The following CGN variants were observed in gnomAD, a reference collection of about 807,000 sequenced individuals.
CGN encodes the protein cingulin.
A neutral mutation model predicts 157.1 loss-of-function variants in CGN; 121 were observed. That is an observed-to-expected ratio of 0.77 (90% confidence interval 0.66 to 0.90). The LOEUF (loss-of-function observed/expected upper bound fraction) is 0.90. CGN is among the 40% of genes least tolerant of loss of function. CGN has a pLI of 0.00. For synonymous variants in CGN, 535 were observed against 607.5 expected (o/e 0.88, Z 1.76); for missense variants, 1,424 against 1,520.9 (o/e 0.94, Z 1.06).
rs1571656879 is a variant in CGN, at chr1:151,519,157, A to G, written c.638A>G (p.Lys213Arg). Residue 213 changes from lysine to arginine, a missense_variant, in exon 2 of 21, where the codon AAG (lysine) becomes AGG (arginine). Around this residue, in one of 3 missense-constraint regions of CGN, gnomAD observed 1,187 missense variants for 1,217.6 expected, o/e 0.97. Coordinates refer to ENST00000271636, the MANE Select transcript of CGN (RefSeq NM_020770.3). Reference protein sequence around the residue: ...MLPPEQRKRSKSLDSRLPRDT... With the variant: ...MLPPEQRKRSRSLDSRLPRDT... ...CCCCCTGAACAGCGCAAACGGAGCAAGAGCCTGGACAGCCGCCTCCCACGG... is the reference window on the plus strand; with the variant it reads ...CCCCCTGAACAGCGCAAACGGAGCAGGAGCCTGGACAGCCGCCTCCCACGG... The G allele has an allele frequency of 6.2e-7, 1 of 1,614,064 alleles. No homozygotes were observed. The highest frequency in any genetic ancestry group is 8.5e-7 in the Non-Finnish European group (1 of 1,180,024).
chr1:151,521,936 C>G (rs930781397), intron 5 of CGN, among the ~76,000 whole-genome samples: 4 of 152,222 alleles, frequency 2.6e-5, no homozygotes, highest in Admixed American at 1.3e-4. Context: ...TCCAGTCCAG[C>G]TTCTGGCTGT....
chr1:151,518,906 T>A lies in CGN; in HGVS notation c.387T>A (p.Asn129Lys). Residue 129 changes from asparagine (N) to lysine (K), a missense_variant, in exon 2 of 21, where the codon AAT becomes AAA. Coordinates refer to ENST00000271636, the MANE Select transcript of CGN (RefSeq NM_020770.3). ...TSDEEPGAYW[N>K]GKLLRSHSQA... Reference sequence around the variant, plus strand: ...ATGAGGAGCCTGGGGCCTACTGGAATGGAAAGCTACTCCGTTCCCACTCCC... The same window carrying A: ...ATGAGGAGCCTGGGGCCTACTGGAAAGGAAAGCTACTCCGTTCCCACTCCC... 1.2e-6 allele frequency: 2 copies of A among 1,614,094 alleles called. No homozygotes were observed. Among genetic ancestry groups the A allele is most frequent in the Non-Finnish European group, 1.7e-6 (2 of 1,179,986 alleles).
chr1:151,519,404 C>G lies in CGN; in HGVS notation c.873+12C>G. 1 of 1,562,630 alleles carries G rather than the reference C, an allele frequency of 6.4e-7. No homozygotes were observed. The highest frequency in any genetic ancestry group is 2.3e-5 in the East Asian group (1 of 43,224). ...CCACCATGCTGCAGGTCAGACCCAG[C>G]CCCTCCCTGACTTCTAAATGTCAGC... On this transcript the variant is annotated intron_variant, in intron 2 of 20. Transcript: ENST00000271636.
intron 14 of CGN, among the ~76,000 whole-genome samples, chr1:151,533,574 C>T (rs1664885767): frequency 6.6e-6 from 1 of 151,912 alleles, no homozygotes; most frequent in South Asian, 2.1e-4. Flanking sequence ...GCGGGCAGAT[C>T]ACGAGGTCAG....
intron 6 of CGN, among the ~76,000 whole-genome samples, chr1:151,523,877 C>T (rs1476186614): frequency 6.6e-6 from 1 of 152,184 alleles, no homozygotes; most frequent in Non-Finnish European, 1.5e-5. Flanking sequence ...GCAGATGTTT[C>T]ATCAAGAATG....
chr1:151,534,818 A>AG (rs1664919769), intron 15 of CGN: 2 of 508,536 alleles, frequency 3.9e-6, no homozygotes, highest in East Asian at 6.6e-5. Flanking sequence ...TTTCTGTCAA[A>AG]GGGCCGTCAC....
At chr1:151,511,203 T>C (rs11204836), upstream of CGN, among the ~76,000 whole-genome samples, 147,253 of 152,294 alleles carry the variant, frequency 0.97, 71,414 homozygotes, top group East Asian at 1. This position sits in a 1 kb window ranked among gnomAD's most constrained non-coding sequence, Gnocchi z 4.8. Context: ...CCGCAGCCCG[T>C]GGGTCCACGT....
chr1:151,534,567 G>A (rs1664913939), intron 15 of CGN: 1 of 243,546 alleles, frequency 4.1e-6, no homozygotes, highest in Non-Finnish European at 8.0e-6. Context: ...ACAGATGAAG[G>A]AAACTGAGGC....
chr1:151,534,982 C>T (rs966803318), intron 15 of CGN, 60 bp from the exon 16 acceptor site: 1 of 1,215,540 alleles, frequency 8.2e-7, no homozygotes, highest in Non-Finnish European at 1.2e-6. Context: ...GGCTCCTGGT[C>T]TGAGTTTGGC....
chr1:151,516,976 A>G (rs1664428777), intron 1 of CGN, among the ~76,000 whole-genome samples: 1 of 151,186 alleles, frequency 6.6e-6, no homozygotes, highest in Admixed American at 6.6e-5. Context: ...CCTGGCCAAT[A>G]TGGTGAAACC....
intron 5 of CGN, among the ~76,000 whole-genome samples, 191 bp from the exon 6 acceptor site, chr1:151,523,238 TGTGAA>T (rs1181349959): frequency 6.6e-6 from 1 of 152,262 alleles, no homozygotes; most frequent in Non-Finnish European, 1.5e-5. Flanking sequence ...TCAGATAATT[TGTGAA>T]CATATTTTAC....
At chr1:151,536,934 G>C (rs1217763571) in intron 20 of CGN, 41 bp downstream of exon 20, 3 of 1,596,366 alleles carry the variant, frequency 1.9e-6, no homozygotes, top group Non-Finnish European at 2.6e-6. Context: ...AGGGACACTA[G>C]AGCAGGGAGG....
rs149546521 is a variant in CGN, at chr1:151,518,644, C to G, written c.125C>G (p.Pro42Arg). Reference sequence around the variant, plus strand: ...ACTCTACGTCGAGGTGGACGACGCCCAGCTAAGGATGCAAGAGCCAGTACC... The same window carrying G: ...ACTCTACGTCGAGGTGGACGACGCCGAGCTAAGGATGCAAGAGCCAGTACC... ...MGTLRRGGRR[P>R]AKDARASTYG... The change falls in exon 2 of 21, where the codon CCA becomes CGA. Residue 42 changes from proline (P) to arginine (R), a missense_variant. Pro to Arg is a moderately radical substitution (Grantham distance 103). Around this residue, in one of 3 missense-constraint regions of CGN, gnomAD observed 1,187 missense variants for 1,217.6 expected, o/e 0.97. Coordinates refer to ENST00000271636, the MANE Select transcript of CGN (RefSeq NM_020770.3). 1.5e-4 allele frequency: 242 copies of G among 1,614,034 alleles called. No homozygotes were observed. Among genetic ancestry groups the G allele is most frequent in the Non-Finnish European group, 2.0e-4 (233 of 1,180,040 alleles).
chr1:151,537,059 T>G, intron 20 of CGN, 146 bp from the exon 21 acceptor site: 1 of 1,185,264 alleles, frequency 8.4e-7, no homozygotes. Context: ...GCCACCATCC[T>G]GTACCTCCCC....
rs191516238 is a variant in CGN at position 151,524,690 on chromosome 1, G to A, written c.1418G>A (p.Arg473Gln). The change falls in exon 8 of 21, where the codon CGG (arginine) becomes CAG (glutamine). Residue 473 changes from arginine to glutamine, a missense_variant. By Grantham distance (43) the Arg-to-Gln change is conservative. This residue lies in a region of CGN where 1,187 missense variants were observed against 1,217.6 expected (regional missense o/e 0.97). Transcript: ENST00000271636. The surrounding 1 kb of genome is among the most constrained non-coding windows in gnomAD (Gnocchi z 4.4). ...TTTCTCCAGGACCTGTTAGAGACCC[G>A]GGAACTTCTGGAAGAGGTCTTGGAG... ...EVLLKDLLET[R>Q]ELLEEVLEGK... The A allele has an allele frequency of 8.1e-6, 13 of 1,607,722 alleles. No individual in the cohort carries two copies. The highest frequency in any genetic ancestry group is 6.7e-5 in the African/African-American group (5 of 74,444).
Position 151,519,041 on chromosome 1 carries a change from C to G in CGN, c.522C>G (p.Pro174=), listed in dbSNP as rs201247201. The G allele has an allele frequency of 3.7e-5, 60 of 1,614,022 alleles. No individual in the cohort carries two copies. The Admixed American group carries it at 4.7e-4, about 13-fold the overall frequency. Residue 174 remains proline (P), a synonymous_variant, in exon 2 of 21, where the codon CCC becomes CCG. Transcript: ENST00000271636. ...CAGGTAGCACCATTGACACTGCTCC[C>G]CTGTCTTCAGTGGACTCACTCATCA... ...ASPGSTIDTA[P]LSSVDSLINK...
Position 151,532,540 on chromosome 1 carries a change from A to C in CGN, c.2710A>C (p.Thr904Pro), listed in dbSNP as rs755928386. Reference protein sequence around the residue: ...AKDWASEAEKTSGGLSRLQDE... With the variant: ...AKDWASEAEKPSGGLSRLQDE... ...GGATTGGGCCAGTGAGGCTGAGAAG[A>C]CCTCTGGAGGACTGAGCCGACTTCA... Residue 904 changes from threonine to proline, a missense_variant, in exon 14 of 21, where the codon ACC (threonine) becomes CCC (proline). By Grantham distance (38) the Thr-to-Pro change is conservative. Around this residue, in one of 3 missense-constraint regions of CGN, gnomAD observed 1,187 missense variants for 1,217.6 expected, o/e 0.97. Coordinates refer to ENST00000271636, the MANE Select transcript of CGN (RefSeq NM_020770.3). 5 of 1,578,220 alleles carry C rather than the reference A, an allele frequency of 3.2e-6. No individual in the cohort carries two copies. The highest frequency in any genetic ancestry group is 4.3e-6 in the Non-Finnish European group (5 of 1,164,886).
chr1:151,532,897 G>T (rs1213611910), intron 14 of CGN, among the ~76,000 whole-genome samples: 1 of 152,002 alleles, frequency 6.6e-6, no homozygotes, highest in Non-Finnish European at 1.5e-5. Context: ...AGGATAACAG[G>T]CATGAGCCAC....
intron 10 of CGN, among the ~76,000 whole-genome samples, chr1:151,528,419 GTT>G (rs55965905): frequency 2.7e-5 from 4 of 148,218 alleles, no homozygotes; most frequent in South Asian, 2.1e-4. Context: ...AATCCAATGG[GTT>G]TTTTTTTTCT....
Sources: gnomAD v4.1 joint callset for allele counts (sites outside exome capture counted in the v4.1 genomes callset) on GRCh38, gnomAD v4.1.1 for gene constraint, gnomAD v4.1.1 regional missense constraint, Gnocchi (gnomAD v3.1) non-coding constraint, MANE v1.5 for transcripts, NCBI Gene and HGNC (gene_info 2026-07-23, HGNC 2026-07-21) for gene names.